GLI3: variants seen among roughly 807,000 people sequenced by gnomAD.
GLI3 encodes the protein GLI family zinc finger 3.
A neutral mutation model predicts 100.8 loss-of-function variants in GLI3; 20 were observed. The ratio of observed to expected loss-of-function variants is 0.20; its 90% confidence interval spans 0.14 to 0.29. The LOEUF (loss-of-function observed/expected upper bound fraction) is 0.29, where lower values mean the gene tolerates loss of function less well. Among genes scored for constraint, GLI3 ranks in the 10% least tolerant of loss-of-function variants. GLI3 has a pLI of 1.00. For missense variants in GLI3, 2,040 were observed against 2,128.5 expected (o/e 0.96, Z 0.82); for synonymous variants, 938 against 860.5 (o/e 1.09, Z -1.58).
chr7:42,038,835 G>A (rs558888658), intron 7 of GLI3, among the ~76,000 whole-genome samples: 1 of 152,290 alleles, frequency 6.6e-6, no homozygotes, highest in East Asian at 1.9e-4. Flanking sequence ...TACTAAATGT[G>A]GGTATCTTGC....
chr7:41,987,336 T>C (rs1029617354), intron 10 of GLI3, among the ~76,000 whole-genome samples: 4 of 151,932 alleles, frequency 2.6e-5, no homozygotes, highest in Admixed American at 2.0e-4. Context: ...TCCCAGCTAA[T>C]TTTTGTATTT....
intron 2 of GLI3, among the ~76,000 whole-genome samples, chr7:42,164,884 T>C (rs1787208754): frequency 1.3e-5 from 2 of 150,442 alleles, no homozygotes. Flanking sequence ...GGTTTTGGTT[T>C]TTTTTTTTGT....
intron 10 of GLI3, among the ~76,000 whole-genome samples, chr7:42,019,188 T>A (rs1012058647): frequency 6.6e-6 from 1 of 152,152 alleles, no homozygotes; most frequent in Admixed American, 6.6e-5. Context: ...TTTTCAAGCA[T>A]AACCAGCCAC....
At chr7:42,236,774 T>C (rs1185424095) in intron 1 of GLI3, among the ~76,000 whole-genome samples, 197 bp downstream of exon 1, 1 of 152,218 alleles carries the variant, frequency 6.6e-6, no homozygotes, top group Non-Finnish European at 1.5e-5. Context: ...GGAAAGGACC[T>C]TCCAGGAGGA....
At chr7:42,230,114 G>T (rs1788669807) in intron 1 of GLI3, among the ~76,000 whole-genome samples, 2 of 53,912 alleles carry the variant, frequency 3.7e-5, no homozygotes, top group African/African-American at 1.4e-4. Flanking sequence ...GGGGGGGGGT[G>T]GAAAGCCCAA....
At chr7:42,026,688 G>A (rs1789124738) in intron 7 of GLI3, among the ~76,000 whole-genome samples, 1 of 152,196 alleles carries the variant, frequency 6.6e-6, no homozygotes. Flanking sequence ...ACTATTTATT[G>A]CAATAACAAA....
Position 41,961,630 on chromosome 7 carries a change from G to T in GLI3, c.*2700C>A, listed in dbSNP as rs1451786106. Reference sequence around the variant, plus strand: ...TGTGAGCCTGCATGTTTTAGAAAAGGCAGGATGGTGACACTAGTGAGGCGG... The same window carrying T: ...TGTGAGCCTGCATGTTTTAGAAAAGTCAGGATGGTGACACTAGTGAGGCGG... On this transcript the variant is annotated 3_prime_UTR_variant, in exon 15 of 15. Transcript: ENST00000395925. The T allele has an allele frequency of 6.6e-6, 1 of 152,118 alleles. No homozygotes were observed. The highest frequency in any genetic ancestry group is 2.4e-5 in the African/African-American group (1 of 41,430). 9.4% of individuals were successfully genotyped at this position (152,118 alleles called of 1,614,324 possible).
At chr7:42,000,342 G>T (rs1331380025) in intron 10 of GLI3, among the ~76,000 whole-genome samples, 3 of 152,090 alleles carry the variant, frequency 2.0e-5, no homozygotes, top group African/African-American at 7.2e-5. Context: ...CTAATTCAAA[G>T]CTCTAGAAAC....
intron 2 of GLI3, among the ~76,000 whole-genome samples, chr7:42,220,280 G>C (rs544584568): frequency 6.6e-6 from 1 of 152,310 alleles, no homozygotes; most frequent in South Asian, 2.1e-4. Context: ...ATATGATTCT[G>C]TTTTCCTTTC....
Position 42,148,447 on chromosome 7 carries a change from G to A in GLI3, c.146C>T (p.Thr49Ile), listed in dbSNP as rs751675912. 1 of 1,613,774 alleles carries A rather than the reference G, an allele frequency of 6.2e-7. No individual in the cohort carries two copies. Among genetic ancestry groups the A allele is most frequent in the South Asian group, 1.1e-5 (1 of 91,078 alleles). The change falls in exon 3 of 15, where the codon ACT becomes ATT. Residue 49 changes from threonine (T) to isoleucine (I), a missense_variant. Thr to Ile is a moderately conservative substitution (Grantham distance 89, BLOSUM62 -1). This residue lies in a region of GLI3 where 603 missense variants were observed against 690.9 expected (regional missense o/e 0.87). Coordinates refer to ENST00000395925, the MANE Select transcript of GLI3 (RefSeq NM_000168.6). Reference protein sequence around the residue: ...TSNEDESPGQTYHRERRNAIT... With the variant: ...TSNEDESPGQIYHRERRNAIT... ...TGCGTTTCTTCTCTCTCTGTGATAA[G>A]TCTGTCCAGGACTTTCATCCTCTAA...
At chr7:42,221,393 C>A (rs918920643) in intron 2 of GLI3, among the ~76,000 whole-genome samples, 8 of 152,210 alleles carry the variant, frequency 5.3e-5, no homozygotes, top group African/African-American at 1.9e-4. Flanking sequence ...GCAGCAACAT[C>A]TTCTGCCATG....
intron 3 of GLI3, chr7:42,113,616 C>A: frequency 1.0e-6 from 1 of 978,790 alleles, no homozygotes; most frequent in Non-Finnish European, 1.6e-6. Flanking sequence ...GCTGGAGATG[C>A]CAAGTGAAGT....
At chr7:42,071,216 T>TG (rs1009264154) in intron 4 of GLI3, among the ~76,000 whole-genome samples, 7 of 151,862 alleles carry the variant, frequency 4.6e-5, no homozygotes, top group Non-Finnish European at 8.8e-5. Flanking sequence ...TTTTCTTTTT[T>TG]GGGGGGGCGG....
chr7:42,064,226 G>T (rs1784630140), intron 4 of GLI3, among the ~76,000 whole-genome samples: 1 of 152,282 alleles, frequency 6.6e-6, no homozygotes, highest in Non-Finnish European at 1.5e-5. Flanking sequence ...GCATGCATGT[G>T]TCAGGGCCAC....
intron 3 of GLI3, among the ~76,000 whole-genome samples, chr7:42,083,390 T>C (rs1397286456): frequency 6.6e-6 from 1 of 152,272 alleles, no homozygotes; most frequent in African/African-American, 2.4e-5. Context: ...TACATCTGAA[T>C]AGTACTCCAC....
intron 2 of GLI3, among the ~76,000 whole-genome samples, chr7:42,189,867 A>G (rs772564039): frequency 6.6e-6 from 1 of 152,052 alleles, no homozygotes; most frequent in Non-Finnish European, 1.5e-5. Flanking sequence ...CTCTTGAAGT[A>G]TTTTCAAAAT....
chr7:42,108,232 T>G (rs997235699), intron 3 of GLI3, among the ~76,000 whole-genome samples: 2 of 152,210 alleles, frequency 1.3e-5, no homozygotes, highest in Non-Finnish European at 2.9e-5. Context: ...GCACCGTTAG[T>G]AGCAATAGTT....
intron 2 of GLI3, among the ~76,000 whole-genome samples, chr7:42,212,644 T>G (rs914907237): frequency 6.6e-6 from 1 of 152,228 alleles, no homozygotes; most frequent in Non-Finnish European, 1.5e-5. Context: ...TAGACGCTAA[T>G]GAATTTGAAA....
chr7:42,188,109 A>C (rs1347838711), intron 2 of GLI3, among the ~76,000 whole-genome samples: 1 of 152,102 alleles, frequency 6.6e-6, no homozygotes, highest in African/African-American at 2.4e-5. Context: ...CAAGCCAAGC[A>C]ATAGCAAGGA....
Sources: allele counts gnomAD v4.1 joint callset (sites outside exome capture counted in the v4.1 genomes callset), GRCh38; gene constraint gnomAD v4.1.1; regional missense constraint gnomAD v4.1.1; transcripts MANE v1.5; gene names NCBI Gene and HGNC (gene_info 2026-07-23, HGNC 2026-07-21).